The following NGEF variants were observed in gnomAD, a reference collection of about 807,000 sequenced individuals.
NGEF encodes the protein neuronal guanine nucleotide exchange factor, also known as ephexin-1.
NGEF carries 31 observed loss-of-function variants against 80.9 expected under a neutral mutation model. The ratio of observed to expected loss-of-function variants is 0.38; its 90% CI spans 0.29 to 0.52. The LOEUF (loss-of-function observed/expected upper bound fraction) is 0.52. Among genes scored for constraint, NGEF ranks in the 20% least tolerant of loss-of-function variants. The pLI, the probability that NGEF is intolerant of heterozygous loss-of-function variation, is 0.84. For missense variants in NGEF, 709 were observed against 926.2 expected (o/e 0.77, Z 3.04); for synonymous variants, 371 against 370.2 (o/e 1.00, Z -0.03).
intron 1 of NGEF, among the ~76,000 whole-genome samples, chr2:232,992,013 TG>T (rs1304105076): frequency 3.3e-5 from 5 of 152,170 alleles, no homozygotes; most frequent in African/African-American, 9.7e-5. Context: ...CTGGGACAAC[TG>T]GGTAGACACA....
rs1485924295 is a variant in NGEF, at chr2:232,883,939, C to T, written c.1601+42G>A. The stretch of plus-strand genomic sequence containing the variant: ...ATCAAACCCAATGCCCAACACACTC[C>T]TCTACCCACCGGAGCGCCTGATGCC... On this transcript the variant is annotated intron_variant, in intron 11 of 14. Transcript: ENST00000264051. The T allele has an allele frequency of 4.5e-6, 7 of 1,563,568 alleles. No homozygotes were observed. In the Admixed American group the frequency reaches 7.1e-5, roughly 16 times the overall value.
intron 5 of NGEF, among the ~76,000 whole-genome samples, chr2:232,897,389 C>T (rs375192041): frequency 6.6e-6 from 1 of 152,046 alleles, no homozygotes; most frequent in South Asian, 2.1e-4. Context: ...TCCCATTTTA[C>T]CAAAAGGAAA....
chr2:232,919,314 A>G (rs1315604271), intron 5 of NGEF, among the ~76,000 whole-genome samples: 1 of 152,148 alleles, frequency 6.6e-6, no homozygotes, highest in Non-Finnish European at 1.5e-5. Flanking sequence ...TGCCACAAGA[A>G]ACAAGGACAA....
chr2:233,011,659 C>G (rs1174544314), intron 1 of NGEF, among the ~76,000 whole-genome samples: 4 of 151,772 alleles, frequency 2.6e-5, no homozygotes, highest in African/African-American at 9.7e-5. Flanking sequence ...GTGATATGAT[C>G]ATAGCCCACC....
At position 233,012,462 on chromosome 2, in the gene NGEF, G is replaced by A. The variant is rs999712; in HGVS notation, c.-75+606C>T. On this transcript the variant is annotated intron_variant, in intron 1 of 14. Transcript: ENST00000264051. ...GTCTTTCTGAAAGGGGCCCCTGAGCGGAGGGGGCAGTGCTGGGGGAGCTAA... is the reference window on the plus strand; with the variant it reads ...GTCTTTCTGAAAGGGGCCCCTGAGCAGAGGGGGCAGTGCTGGGGGAGCTAA... Among the ~76,000 whole-genome samples the A allele has an allele frequency of 9.8e-3, 1,493 of 152,316 alleles. 32 individuals carry two copies. Among genetic ancestry groups the A allele is most frequent in the African/African-American group, 0.033 (1,383 of 41,572 alleles).
intron 3 of NGEF, among the ~76,000 whole-genome samples, chr2:232,948,147 A>ATGTG (rs375640068): frequency 0.46 from 65,185 of 141,216 alleles, 15,357 homozygotes; most frequent in South Asian, 0.6. Flanking sequence ...TAGCCTGGAG[A>ATGTG]TGTGTGTGTG....
At chr2:232,916,629 A>T (rs1408283770) in intron 5 of NGEF, among the ~76,000 whole-genome samples, 1 of 152,208 alleles carries the variant, frequency 6.6e-6, no homozygotes, top group Non-Finnish European at 1.5e-5. Context: ...TTTACAAGTC[A>T]TCAAGAACGG....
chr2:232,921,786 C>T (rs752268792), intron 4 of NGEF, among the ~76,000 whole-genome samples: 2 of 152,198 alleles, frequency 1.3e-5, no homozygotes, highest in Admixed American at 1.3e-4. Flanking sequence ...GTCCTGTCTG[C>T]ATTTGACAAG....
chr2:232,998,632 G>C (rs747453211), intron 1 of NGEF, among the ~76,000 whole-genome samples: 6 of 152,154 alleles, frequency 3.9e-5, no homozygotes, highest in African/African-American at 7.2e-5. Flanking sequence ...GGGGCCCTGG[G>C]CAGTTTGGGG....
At position 232,883,342 on chromosome 2, in the gene NGEF, C is replaced by T. The variant is rs771305646; in HGVS notation, c.1726G>A (p.Glu576Lys). Residue 576 changes from glutamate (E) to lysine (K), a missense_variant, in exon 12 of 15, where the codon GAG (glutamate) becomes AAG (lysine). Glu to Lys is a moderately conservative substitution (Grantham distance 56). Transcript: ENST00000264051. ...LRLLENADDR[E>K]ATYMLKASSQ... The stretch of plus-strand genomic sequence containing the variant: ...GACGCCTTTAGCATGTAGGTGGCCT[C>T]CCGGTCATCTGCGTTCTCCAGCAGC... The T allele has an allele frequency of 1.9e-6, 3 of 1,611,584 alleles. No homozygotes were observed. The highest frequency in any genetic ancestry group is 2.5e-6 in the Non-Finnish European group (3 of 1,178,666).
At chr2:232,914,522 G>T (rs1212637896) in intron 5 of NGEF, among the ~76,000 whole-genome samples, 1 of 151,968 alleles carries the variant, frequency 6.6e-6, no homozygotes, top group Non-Finnish European at 1.5e-5. Context: ...GGCCATCATG[G>T]TGAAACCCTA....
chr2:232,928,947 G>C (rs1282712423), intron 3 of NGEF, among the ~76,000 whole-genome samples: 1 of 152,132 alleles, frequency 6.6e-6, no homozygotes, highest in South Asian at 2.1e-4. Flanking sequence ...TACGGGCCGA[G>C]CCAAGCCGCC....
At chr2:232,971,312 T>C (rs1026405714) in intron 2 of NGEF, among the ~76,000 whole-genome samples, 1 of 152,142 alleles carries the variant, frequency 6.6e-6, no homozygotes, top group Non-Finnish European at 1.5e-5. Flanking sequence ...CATTTTCTCC[T>C]TGGATTCTTG....
intron 3 of NGEF, among the ~76,000 whole-genome samples, chr2:232,931,498 A>G (rs866799990): frequency 1.3e-5 from 2 of 152,364 alleles, no homozygotes; most frequent in Middle Eastern, 3.4e-3. Context: ...GTTAAGCAAA[A>G]AGTAAGCAGA....
At chr2:232,905,722 G>C (rs773847928) in intron 5 of NGEF, 4 of 394,348 alleles carry the variant, frequency 1.0e-5, no homozygotes, top group African/African-American at 2.2e-5. Flanking sequence ...GCCGCCCATC[G>C]TCTGAGATGT....
At chr2:233,012,710 G>A (rs563714892) in intron 1 of NGEF, 3 of 386,616 alleles carry the variant, frequency 7.8e-6, no homozygotes, top group African/African-American at 4.2e-5. Flanking sequence ...CCTTTTGAAA[G>A]CCTTACTATT....
chr2:232,995,913 A>T (rs868056546), intron 1 of NGEF, among the ~76,000 whole-genome samples: 1 of 151,488 alleles, frequency 6.6e-6, no homozygotes, highest in African/African-American at 2.4e-5. Context: ...TGTATATATC[A>T]CTTATCCAAC....
intron 5 of NGEF, among the ~76,000 whole-genome samples, chr2:232,902,182 G>T (rs2106252286): frequency 6.6e-6 from 1 of 152,352 alleles, no homozygotes; most frequent in South Asian, 2.1e-4. Flanking sequence ...AGGTCACAAA[G>T]TTGCCTCGGT....
intron 5 of NGEF, among the ~76,000 whole-genome samples, chr2:232,910,959 C>T (rs533330823): frequency 6.6e-6 from 1 of 152,268 alleles, no homozygotes; most frequent in Non-Finnish European, 1.5e-5. Context: ...TTTTCATTCT[C>T]TTAACTGTGT....
Sources: allele counts gnomAD v4.1 joint callset (sites outside exome capture counted in the v4.1 genomes callset), GRCh38; gene constraint gnomAD v4.1.1; transcripts MANE v1.5; gene names NCBI Gene and HGNC (gene_info 2026-07-23, HGNC 2026-07-21).